Variants in SPRED2 observed in about 807,000 individuals in gnomAD.
The protein encoded by SPRED2 is sprouty-related, EVH1 domain-containing protein 2.
Under a neutral mutation model 43.0 loss-of-function variants are expected in SPRED2, and 47 were observed. The observed-to-expected ratio is 1.09, with a 90% CI of 0.87 to 1.40. The LOEUF is 1.40. SPRED2 is among the 40% of genes most tolerant of loss of function. The probability of loss-of-function intolerance (pLI) is 0.00; values close to 1 mark genes in which losing one functional copy is unlikely to be tolerated. For synonymous variants in SPRED2, 225 were observed against 225.7 expected (o/e 1.00, Z 0.03); for missense variants, 561 against 586.4 (o/e 0.96, Z 0.45).
At chr2:65,380,748 T>C (rs573205805) in intron 1 of SPRED2, 1 of 152,260 alleles carries the variant, frequency 6.6e-6, no homozygotes, top group African/African-American at 2.4e-5. Flanking sequence ...TCTCCTGAGG[T>C]GAGGTCATGG....
At chr2:65,403,044 C>T (rs1415919649) in intron 1 of SPRED2, among the ~76,000 whole-genome samples, 1 of 152,138 alleles carries the variant, frequency 6.6e-6, no homozygotes, top group African/African-American at 2.4e-5. Context: ...TGATTTACAT[C>T]CAAAAGCCAA....
intron 1 of SPRED2, among the ~76,000 whole-genome samples, chr2:65,359,165 T>C (rs1305356145): frequency 2.6e-5 from 4 of 152,204 alleles, no homozygotes; most frequent in Admixed American, 1.3e-4. Context: ...CATGATGCAA[T>C]GGATTCTTGA....
chr2:65,322,255 T>C (rs1387210982), intron 4 of SPRED2, among the ~76,000 whole-genome samples: 1 of 79,064 alleles, frequency 1.3e-5, no homozygotes, highest in African/African-American at 6.0e-5. Flanking sequence ...TCTCTCTCTC[T>C]CTCTCTCTCT....
chr2:65,311,617 C>G lies in SPRED2; in HGVS notation c.*1884G>C. The G allele has an allele frequency of 2.0e-6, 2 of 985,830 alleles. No homozygotes were observed. Among genetic ancestry groups the G allele is most frequent in the Non-Finnish European group, 2.4e-6 (2 of 829,934 alleles). 61.1% of individuals were successfully genotyped at this position (985,830 alleles called of 1,614,324 possible). On this transcript the variant is annotated 3_prime_UTR_variant, in exon 6 of 6. Coordinates refer to ENST00000356388, the MANE Select transcript of SPRED2 (RefSeq NM_181784.3). ...GCACTGGAGGCTGGCTGAAGGTTTT[C>G]TAGATGTTCTCCAGGCATGGATGAG... is the stretch of plus-strand genomic sequence containing the variant.
intron 1 of SPRED2, among the ~76,000 whole-genome samples, chr2:65,425,974 C>T (rs1197297629): frequency 6.6e-6 from 1 of 152,172 alleles, no homozygotes; most frequent in Non-Finnish European, 1.5e-5. Context: ...GTTCAGCCGG[C>T]AATACAAGAA....
In SPRED2 at chr2:65,431,970, G is replaced by A; in HGVS notation, c.18C>T (p.His6=). The change falls in exon 1 of 6, where the codon CAC becomes CAT. Residue 6 remains histidine (H), a synonymous_variant. Transcript: ENST00000356388. ...CCCGCGACCAAACTTACTCGTCTGGGTGTGTTTCTTCGGTCATTTTCTTGT... is the reference window on the plus strand; with the variant it reads ...CCCGCGACCAAACTTACTCGTCTGGATGTGTTTCTTCGGTCATTTTCTTGT... MTEET[H]PDDDSYIVRV... The A allele has an allele frequency of 6.2e-7, 1 of 1,613,994 alleles. No homozygotes were observed. The highest frequency in any genetic ancestry group is 8.5e-7 in the Non-Finnish European group (1 of 1,179,986).
At chr2:65,344,332 A>C (rs1674276938) in intron 2 of SPRED2, 1 of 301,444 alleles carries the variant, frequency 3.3e-6, no homozygotes, top group African/African-American at 2.2e-5. Context: ...CCAAACCTCA[A>C]TGGCATGCTC....
At chr2:65,360,376 G>C (rs1674779198) in intron 1 of SPRED2, among the ~76,000 whole-genome samples, 1 of 152,234 alleles carries the variant, frequency 6.6e-6, no homozygotes, top group African/African-American at 2.4e-5. Context: ...ACACCCAGCA[G>C]TGAGTTGCTG....
intron 1 of SPRED2, among the ~76,000 whole-genome samples, chr2:65,406,348 T>G (rs907084577): frequency 3.3e-5 from 5 of 152,192 alleles, no homozygotes; most frequent in Non-Finnish European, 5.9e-5. Context: ...TTACTCTTTA[T>G]AGAGGTCAAG....
intron 1 of SPRED2, among the ~76,000 whole-genome samples, chr2:65,388,995 C>A (rs1224913910): frequency 6.6e-6 from 1 of 152,134 alleles, no homozygotes; most frequent in Non-Finnish European, 1.5e-5. Flanking sequence ...AGGTGGGGGT[C>A]AGGACAGAGA....
chr2:65,379,152 A>G (rs1249798270), intron 1 of SPRED2, among the ~76,000 whole-genome samples: 1 of 152,208 alleles, frequency 6.6e-6, no homozygotes, highest in Admixed American at 6.5e-5. Context: ...GACCTACTTT[A>G]AAGCCAGATG....
intron 1 of SPRED2, among the ~76,000 whole-genome samples, chr2:65,360,079 CAAAAA>C (rs143422380): frequency 1.1e-5 from 1 of 93,704 alleles, no homozygotes; most frequent in Admixed American, 1.1e-4. Flanking sequence ...AAAAAAAAAA[CAAAAA>C]AAAACAAAAA....
chr2:65,328,556 T>C (rs373205988), intron 4 of SPRED2, among the ~76,000 whole-genome samples: 2 of 152,250 alleles, frequency 1.3e-5, no homozygotes, highest in East Asian at 3.9e-4. Context: ...CAGTCACGTA[T>C]CCAGGAGTCC....
At chr2:65,343,606 G>T (rs1018067864) in intron 2 of SPRED2, among the ~76,000 whole-genome samples, 6 of 152,134 alleles carry the variant, frequency 3.9e-5, no homozygotes, top group African/African-American at 1.2e-4. Flanking sequence ...TGAATCATCT[G>T]TTGGCTTCTG....
At chr2:65,413,110 T>G (rs1371114591) in intron 1 of SPRED2, among the ~76,000 whole-genome samples, 1 of 152,208 alleles carries the variant, frequency 6.6e-6, no homozygotes. Context: ...CAATAAATTG[T>G]CCAGCAAGTG....
intron 1 of SPRED2, among the ~76,000 whole-genome samples, chr2:65,419,578 TGTGTGTGTGTGTG>T (rs781673326): frequency 1.5e-4 from 3 of 19,380 alleles, no homozygotes; most frequent in Admixed American, 4.8e-4. Context: ...GGATTATAGT[TGTGTGTGTGTGTG>T]TGTGTGTGTG....
intron 1 of SPRED2, among the ~76,000 whole-genome samples, chr2:65,422,104 A>ACACACACT (rs1299857849): frequency 0.028 from 3,549 of 128,884 alleles, 53 homozygotes; most frequent in Middle Eastern, 0.057. Context: ...ACACACACAC[A>ACACACACT]CTCTCTCTCT....
chr2:65,358,598 A>G (rs1674721400), intron 1 of SPRED2, among the ~76,000 whole-genome samples: 1 of 152,234 alleles, frequency 6.6e-6, no homozygotes, highest in African/African-American at 2.4e-5. Flanking sequence ...TTTCTTATAG[A>G]CCTCTGCTAA....
At chr2:65,421,990 A>G (rs183373397) in intron 1 of SPRED2, among the ~76,000 whole-genome samples, 3 of 152,158 alleles carry the variant, frequency 2.0e-5, no homozygotes, top group Admixed American at 2.0e-4. Flanking sequence ...GGGCCCTCTC[A>G]GAATCTTTTC....
Sources: gnomAD v4.1 joint callset for allele counts (sites outside exome capture counted in the v4.1 genomes callset) on GRCh38, gnomAD v4.1.1 for gene constraint, MANE v1.5 for transcripts, NCBI Gene and HGNC (gene_info 2026-07-23, HGNC 2026-07-21) for gene names.